Variants in ZFYVE26 observed in about 807,000 individuals in gnomAD.
ZFYVE26 encodes zinc finger FYVE-type containing 26.
In ZFYVE26, 181 loss-of-function variants were observed where a neutral mutation model predicts 276.5. The ratio of observed to expected loss-of-function variants is 0.65; its 90% CI spans 0.58 to 0.74. The LOEUF (loss-of-function observed/expected upper bound fraction) is 0.74. Among genes scored for constraint, ZFYVE26 ranks in the 30% least tolerant of loss-of-function variants. ZFYVE26 has a pLI of 0.00. For missense variants in ZFYVE26, 2,821 were observed against 3,097.9 expected (o/e 0.91, Z 2.12); for synonymous variants, 1,129 against 1,203.1 (o/e 0.94, Z 1.27).
At position 67,787,358 on chromosome 14, in the gene ZFYVE26, A is replaced by G. The variant is rs60789974; in HGVS notation, c.3020-1125T>C. ...GTGACAGAGTGAGACTCTGTCTCAG[A>G]AAAAAAAAAAGTTAGAAACAAGGAA... On this transcript the variant is annotated intron_variant, in intron 16 of 41. Coordinates refer to ENST00000347230, the MANE Select transcript of ZFYVE26 (RefSeq NM_015346.4). Among the ~76,000 whole-genome samples the G allele has an allele frequency of 2.1e-4, 31 of 148,924 alleles. No homozygotes were observed. The East Asian group carries it at 5.6e-3, about 27-fold the overall frequency.
chr14:67,794,525 G>A (rs2039905359), intron 12 of ZFYVE26, among the ~76,000 whole-genome samples: 1 of 152,236 alleles, frequency 6.6e-6, no homozygotes, highest in African/African-American at 2.4e-5. Context: ...TTAGGGGTCA[G>A]TGATCAGCAC....
At chr14:67,742,221 G>C (rs1420597309), downstream of ZFYVE26, among the ~76,000 whole-genome samples, 3 of 152,180 alleles carry the variant, frequency 2.0e-5, no homozygotes, top group Admixed American at 6.5e-5. Context: ...AAAAAGTATA[G>C]TAGAGGTTAC....
intron 32 of ZFYVE26, among the ~76,000 whole-genome samples, chr14:67,764,598 C>A (rs2140197103): frequency 6.6e-6 from 1 of 152,232 alleles, no homozygotes; most frequent in East Asian, 1.9e-4. Context: ...TAGAAAAATA[C>A]TCTGAAATCC....
At position 67,806,599 on chromosome 14, in the gene ZFYVE26, T is replaced by C. The variant is rs572690257; in HGVS notation, c.963A>G (p.Lys321=). The part of the protein sequence containing the change: ...FSNPNPAEAW[K]VAYFYCLSNN... ...TGCTCAGGCAGTAGAAATAGGCCAC[T>C]TTCCAAGCCTCGGCTGGGTTGGGAT... The change falls in exon 6 of 42, where the codon AAA becomes AAG. Residue 321 remains lysine, a synonymous_variant. Coordinates refer to ENST00000347230, the MANE Select transcript of ZFYVE26 (RefSeq NM_015346.4). 1 of 1,614,198 alleles carries C rather than the reference T, an allele frequency of 6.2e-7. No homozygotes were observed. Among genetic ancestry groups the C allele is most frequent in the African/African-American group, 1.3e-5 (1 of 75,056 alleles).
At position 67,798,367 on chromosome 14, in the gene ZFYVE26, C is replaced by T. The variant is rs367642159; in HGVS notation, c.1895G>A (p.Arg632Gln). Residue 632 changes from arginine (R) to glutamine (Q), a missense_variant, in exon 11 of 42, where the codon CGG becomes CAG. Physicochemically the swap from Arg to Gln is conservative, Grantham distance 43. Coordinates refer to ENST00000347230, the MANE Select transcript of ZFYVE26 (RefSeq NM_015346.4). Reference protein sequence around the residue: ...HIAHPERKSERGSLGVPKTLA... With the variant: ...HIAHPERKSEQGSLGVPKTLA... ...GGTCTTTGGGACTCCCAGGGAACCC[C>T]GTTCTGACTTCCTTTCAGGATGTGC... 1.2e-6 allele frequency: 2 copies of T among 1,609,782 alleles called. No homozygotes were observed. Among genetic ancestry groups the T allele is most frequent in the Non-Finnish European group, 1.7e-6 (2 of 1,177,386 alleles).
Position 67,798,414 on chromosome 14 carries a change from T to C in ZFYVE26, c.1848A>G (p.Pro616=), listed in dbSNP as rs1414968763. The change falls in exon 11 of 42, where the codon CCA becomes CCG. Residue 616 remains proline (P), a synonymous_variant. Transcript: ENST00000347230. ...EGKSPSGLRS[P]SESPQHIAHP... is the part of the protein sequence containing the mutation. ...GTGCTATGTGCTGAGGGCTCTCTGA[T>C]GGGGACCTCAAACCTGAGGGGCTCT... 6.2e-7 allele frequency: 1 copy of C among 1,613,592 alleles called. No individual in the cohort carries two copies. Among genetic ancestry groups the C allele is most frequent in the African/African-American group, 1.3e-5 (1 of 75,002 alleles).
At chr14:67,753,853 T>C (rs565871864) in intron 38 of ZFYVE26, 87 bp from the exon 39 acceptor site, 1 of 1,531,078 alleles carries the variant, frequency 6.5e-7, no homozygotes. Context: ...ATTTATTCAA[T>C]TATTCAACAA....
chr14:67,799,632 C>T, intron 10 of ZFYVE26: 1 of 1,411,228 alleles, frequency 7.1e-7, no homozygotes, highest in Non-Finnish European at 1.0e-6. Flanking sequence ...CTTCAAAGGT[C>T]CTTAGGTGTA....
chr14:67,787,357 G>GA (rs896607847), intron 16 of ZFYVE26, among the ~76,000 whole-genome samples: 11 of 143,574 alleles, frequency 7.7e-5, no homozygotes, highest in East Asian at 2.0e-4. Flanking sequence ...CTCTGTCTCA[G>GA]AAAAAAAAAA....
Position 67,735,822 on chromosome 14 carries a change from G to A in ZFYVE26, n.2680-6003C>T, listed in dbSNP as rs149149963. ...AATTTCCTAAAAATAACACTTCAAT[G>A]GGAAACTAAAGGAAAAGGAAATCAA... On this transcript the variant is annotated intron_variant and non_coding_transcript_variant, in intron 13 of 14. Transcript: ENST00000394455. 5.8e-3 allele frequency among the ~76,000 whole-genome samples: 884 copies of A among 152,206 alleles called. 11 individuals are homozygous for A. Among genetic ancestry groups the A allele is most frequent in the Middle Eastern group, 0.024 (7 of 294 alleles).
At chr14:67,809,327 A>G in intron 3 of ZFYVE26, 38 bp from the exon 4 acceptor site, 1 of 1,462,302 alleles carries the variant, frequency 6.8e-7, no homozygotes, top group Non-Finnish European at 9.6e-7. Context: ...GAGATGAGAT[A>G]TATGTTTTAG....
At chr14:67,755,363 C>T (rs2038751479) in intron 36 of ZFYVE26, 113 bp from the exon 37 acceptor site, 2 of 1,213,208 alleles carry the variant, frequency 1.6e-6, no homozygotes, top group South Asian at 1.3e-5. Context: ...CCAGCACCCA[C>T]TCCCACCACC....
In ZFYVE26 at chr14:67,809,191, C is replaced by T. The variant is rs2140253712; in HGVS notation, c.363+9G>A. The T allele has an allele frequency of 1.2e-6, 2 of 1,612,740 alleles. No individual in the cohort carries two copies. The highest frequency in any genetic ancestry group is 1.7e-6 in the Non-Finnish European group (2 of 1,178,826). On this transcript the variant is annotated intron_variant, in intron 4 of 41. Transcript: ENST00000347230. The stretch of plus-strand genomic sequence containing the variant: ...ACCCTGGGCAGATGGTACCAGGGCT[C>T]TCTCTCACCTCGAGGATGTTCTCTG...
chr14:67,812,578 A>G (rs1387025530), intron 3 of ZFYVE26, among the ~76,000 whole-genome samples: 1 of 152,232 alleles, frequency 6.6e-6, no homozygotes, highest in Non-Finnish European at 1.5e-5. Context: ...GAGGAACTAA[A>G]ATAGTCCCAC....
chr14:67,748,677 A>G (rs914263501), intron 41 of ZFYVE26, 38 bp from the exon 42 acceptor site: 10 of 1,608,150 alleles, frequency 6.2e-6, no homozygotes, highest in Middle Eastern at 1.6e-4. Flanking sequence ...AAAGGCATCC[A>G]TCACCGACAA....
chr14:67,786,305 C>T, intron 16 of ZFYVE26, 72 bp from the exon 17 acceptor site: 1 of 1,495,754 alleles, frequency 6.7e-7, no homozygotes, highest in Non-Finnish European at 9.0e-7. Flanking sequence ...GACACTCAGT[C>T]CTGTATTTAC....
At chr14:67,780,483 A>G in intron 22 of ZFYVE26, 138 bp from the exon 23 acceptor site, 1 of 777,684 alleles carries the variant, frequency 1.3e-6, no homozygotes, top group South Asian at 1.5e-5. Flanking sequence ...CAGAAAAGAG[A>G]GCAAATTGGG....
At chr14:67,767,964 C>G in intron 30 of ZFYVE26, 124 bp from the exon 31 acceptor site, 2 of 1,363,944 alleles carry the variant, frequency 1.5e-6, no homozygotes, top group Non-Finnish European at 2.1e-6. Context: ...CTTTCTCTCT[C>G]CTTGGTTCCT....
At chr14:67,799,296 C>T in intron 10 of ZFYVE26, 5 of 1,613,344 alleles carry the variant, frequency 3.1e-6, no homozygotes, top group Non-Finnish European at 4.2e-6. Flanking sequence ...ACAGAGGAAC[C>T]CAGGATAAGG....
Sources: gnomAD v4.1 joint callset for allele counts (sites outside exome capture counted in the v4.1 genomes callset) on GRCh38, gnomAD v4.1.1 for gene constraint, MANE v1.5 for transcripts, NCBI Gene and HGNC (gene_info 2026-07-23, HGNC 2026-07-21) for gene names.